PHF24: variants seen among roughly 807,000 people sequenced by gnomAD.
PHF24 encodes the protein PHD finger protein 24.
PHF24 carries 25 observed loss-of-function variants against 42.6 expected under a neutral mutation model. The ratio of observed to expected loss-of-function variants is 0.59; its 90% CI spans 0.43 to 0.82. The LOEUF (loss-of-function observed/expected upper bound fraction) is 0.82, where lower values mean the gene tolerates loss of function less well. Among genes scored for constraint, PHF24 ranks in the 40% least tolerant of loss-of-function variants. The pLI is 0.00. For synonymous variants in PHF24, 185 were observed against 204.8 expected, an observed-to-expected ratio of 0.90 and a Z score of 0.83; for missense variants, 470 against 538.1, an observed-to-expected ratio of 0.87 and a Z score of 1.25.
chr9:34,864,893 C>G, the PHF24 span, among the ~76,000 whole-genome samples: 25 of 152,222 alleles, frequency 1.6e-4, no homozygotes, highest in Middle Eastern at 6.8e-3. Flanking sequence ...AGCAGAGGGA[C>G]AGGCCAGGCG....
chr9:34,793,434 G>A, the PHF24 span, among the ~76,000 whole-genome samples: 1 of 152,182 alleles, frequency 6.6e-6, no homozygotes, highest in African/African-American at 2.4e-5. Context: ...TGGGTAAAAT[G>A]AATTAAGCAC....
chr9:34,832,429 G>C, the PHF24 span: 2 of 1,360,718 alleles, frequency 1.5e-6, no homozygotes, highest in Non-Finnish European at 2.0e-6. Flanking sequence ...AGGGACTGGG[G>C]ACCATCCAAG....
At chr9:34,948,346 GTT>G in the PHF24 span, among the ~76,000 whole-genome samples, 1 of 152,142 alleles carries the variant, frequency 6.6e-6, no homozygotes, top group African/African-American at 2.4e-5. Context: ...AGTGTACAGT[GTT>G]TATAAAGTCT....
intron 7 of PHF24, 98 bp downstream of exon 7, chr9:34,977,739 A>T: frequency 9.3e-7 from 1 of 1,069,606 alleles, no homozygotes; most frequent in Non-Finnish European, 1.4e-6. Flanking sequence ...CCAAAACAGC[A>T]AGCGCCCACC....
exon 7 of PHF24, chr9:34,977,626 C>T: frequency 6.2e-7 from 1 of 1,600,974 alleles, no homozygotes; most frequent in Non-Finnish European, 8.5e-7. Context: ...CTGCTGCCCA[C>T]AGAGCAGGAG....
the PHF24 span, among the ~76,000 whole-genome samples, chr9:34,908,833 T>C: frequency 6.9e-6 from 1 of 144,802 alleles, no homozygotes; most frequent in East Asian, 2.0e-4. Context: ...TTTTCTTTTC[T>C]TTTCTTTTCT....
chr9:34,922,984 G>A, the PHF24 span: 1 of 1,022,406 alleles, frequency 9.8e-7, no homozygotes, highest in East Asian at 2.6e-5. Context: ...GTCTACCTGG[G>A]GGGTGCTGCT....
At chr9:34,832,519 C>T in the PHF24 span, 1 of 1,521,082 alleles carries the variant, frequency 6.6e-7, no homozygotes. Context: ...TTACTTCTCC[C>T]CACAGGGCTC....
At chr9:34,946,443 G>A in the PHF24 span, among the ~76,000 whole-genome samples, 7 of 152,148 alleles carry the variant, frequency 4.6e-5, no homozygotes, top group African/African-American at 1.7e-4. Context: ...TATTTCTCTT[G>A]TAAGTTTCCA....
chr9:34,739,536 G>C, the PHF24 span, among the ~76,000 whole-genome samples: 1 of 152,182 alleles, frequency 6.6e-6, no homozygotes, highest in African/African-American at 2.4e-5. Flanking sequence ...GGAGGCTCAC[G>C]GTGAGTGTTA....
At chr9:34,786,424 A>G in the PHF24 span, among the ~76,000 whole-genome samples, 124 of 152,128 alleles carry the variant, frequency 8.2e-4, no homozygotes, top group Non-Finnish European at 1.4e-3. Context: ...TTTCTTCTCC[A>G]GGACACTGGG....
chr9:34,869,843 T>C, the PHF24 span, among the ~76,000 whole-genome samples: 1 of 152,174 alleles, frequency 6.6e-6, no homozygotes, highest in Non-Finnish European at 1.5e-5. Flanking sequence ...GAGGTTCTTT[T>C]TGAGTCCTCA....
At chr9:34,845,476 T>C in the PHF24 span, among the ~76,000 whole-genome samples, 1 of 152,186 alleles carries the variant, frequency 6.6e-6, no homozygotes, top group African/African-American at 2.4e-5. Context: ...TCTTACTCTT[T>C]ATCTTTTGTG....
the PHF24 span, chr9:34,837,329 A>G: frequency 3.6e-5 from 13 of 363,144 alleles, no homozygotes; most frequent in Non-Finnish European, 6.9e-5. Context: ...TAACAACCAT[A>G]CTGTGAGTGA....
At chr9:34,712,638 T>C in the PHF24 span, among the ~76,000 whole-genome samples, 1 of 152,184 alleles carries the variant, frequency 6.6e-6, no homozygotes, top group Admixed American at 6.5e-5. Context: ...TCCATCTCTT[T>C]ATTGATAGTT....
chr9:34,896,573 C>G, the PHF24 span, among the ~76,000 whole-genome samples: 1 of 152,166 alleles, frequency 6.6e-6, no homozygotes, highest in Non-Finnish European at 1.5e-5. Context: ...ATTGGCAAAA[C>G]TTTCGATTAA....
the PHF24 span, among the ~76,000 whole-genome samples, chr9:34,821,307 A>G: frequency 6.6e-6 from 1 of 151,736 alleles, no homozygotes; most frequent in African/African-American, 2.4e-5. Context: ...GTTGTTACTC[A>G]TCTTTTTGGT....
chr9:34,685,536 G>A, the PHF24 span, among the ~76,000 whole-genome samples: 1 of 152,172 alleles, frequency 6.6e-6, no homozygotes, highest in Admixed American at 6.5e-5. Context: ...AGCAAGCTGA[G>A]CTTTTCTACC....
chr9:34,897,594 G>A, the PHF24 span, among the ~76,000 whole-genome samples: 4 of 152,268 alleles, frequency 2.6e-5, no homozygotes, highest in East Asian at 5.8e-4. Context: ...TAGCACAAGG[G>A]TTTCTTTTTG....
Sources: gnomAD v4.1 joint callset for allele counts (sites outside exome capture counted in the v4.1 genomes callset) on GRCh38, gnomAD v4.1.1 for gene constraint, MANE v1.5 for transcripts, NCBI Gene and HGNC (gene_info 2026-07-23, HGNC 2026-07-21) for gene names.